SYN2: variants seen among roughly 807,000 people sequenced by gnomAD.
SYN2 encodes synapsin-2.
Under a neutral mutation model 50.9 loss-of-function variants are expected in SYN2, and 19 were observed. The ratio of observed to expected loss-of-function variants is 0.37; its 90% CI spans 0.26 to 0.55. The LOEUF is 0.55. Ranked by LOEUF, SYN2 falls within the 20% of genes least tolerant of loss-of-function variation. SYN2 has a pLI of 0.81. For missense variants in SYN2, 587 were observed against 576.4 expected (o/e 1.02, Z -0.19); for synonymous variants, 255 against 224.9 (o/e 1.13, Z -1.20).
At chr3:12,092,477 G>C (rs917565468) in intron 1 of SYN2, among the ~76,000 whole-genome samples, 2 of 152,266 alleles carry the variant, frequency 1.3e-5, no homozygotes, top group African/African-American at 4.8e-5. Flanking sequence ...AAGTAAGTTA[G>C]TTTACCTGGA....
chr3:12,074,419 G>A (rs1288906087), intron 1 of SYN2, among the ~76,000 whole-genome samples: 2 of 151,982 alleles, frequency 1.3e-5, no homozygotes, highest in African/African-American at 4.8e-5. Context: ...CAGATTGCAA[G>A]CCCTCCCACT....
At chr3:12,161,452 C>CCCT (rs1291012640) in intron 5 of SYN2, 94 bp from the exon 6 acceptor site, 5 of 1,412,388 alleles carry the variant, frequency 3.5e-6, no homozygotes. Flanking sequence ...CTTTAAAGAA[C>CCCT]CCTCCCAAGG....
At chr3:12,160,068 TA>T (rs1218673305) in intron 5 of SYN2, among the ~76,000 whole-genome samples, 1 of 114,152 alleles carries the variant, frequency 8.8e-6, no homozygotes, top group African/African-American at 3.2e-5. Flanking sequence ...AAAAAAAAAG[TA>T]AAAGAAAAAA....
intron 5 of SYN2, chr3:12,154,556 T>C (rs1044313956): frequency 1.6e-6 from 2 of 1,234,322 alleles, no homozygotes; most frequent in African/African-American, 1.5e-5. Context: ...CCAATGACTT[T>C]GGTGGCAGTG....
At chr3:12,022,819 A>G (rs891047062) in intron 1 of SYN2, among the ~76,000 whole-genome samples, 3 of 152,008 alleles carry the variant, frequency 2.0e-5, no homozygotes, top group Non-Finnish European at 2.9e-5. Context: ...AAGTGCTGGG[A>G]TGACAGGTAT....
rs113086190 is a variant in SYN2 at position 12,096,132 on chromosome 3, G to A, written c.378-44519G>A. Among the ~76,000 whole-genome samples the A allele has an allele frequency of 1.7e-4, 26 of 152,230 alleles. 2 individuals carry two copies. Among genetic ancestry groups the A allele is most frequent in the African/African-American group, 6.0e-4 (25 of 41,532 alleles). On this transcript the variant is annotated intron_variant, in intron 1 of 12. Transcript: ENST00000621198. ...CTATGTCAAATCTGTTATACCTTTA[G>A]AATTTATCTCATGTCATCCATTTCT...
chr3:12,108,415 A>C (rs1696244451), intron 1 of SYN2, among the ~76,000 whole-genome samples: 1 of 152,202 alleles, frequency 6.6e-6, no homozygotes, highest in Non-Finnish European at 1.5e-5. Context: ...TTCTTAACAA[A>C]CTGATAAAAA....
At chr3:12,126,024 T>G (rs1446225405) in intron 1 of SYN2, among the ~76,000 whole-genome samples, 1 of 152,192 alleles carries the variant, frequency 6.6e-6, no homozygotes, top group African/African-American at 2.4e-5. Flanking sequence ...GTCACTCAAG[T>G]GAAGATAGTC....
chr3:12,105,914 A>G (rs552873721), intron 1 of SYN2, among the ~76,000 whole-genome samples: 26 of 152,272 alleles, frequency 1.7e-4, no homozygotes, highest in African/African-American at 5.8e-4. Flanking sequence ...GATTTGTTGT[A>G]TTAGTTTTCT....
chr3:12,189,972 C>T (rs1206067667), intron 12 of SYN2, among the ~76,000 whole-genome samples: 1 of 152,190 alleles, frequency 6.6e-6, no homozygotes, highest in East Asian at 1.9e-4. Flanking sequence ...CAAAGAGAGG[C>T]ACGTGGCTTG....
chr3:12,015,358 T>C (rs763466748), intron 1 of SYN2, among the ~76,000 whole-genome samples: 6 of 152,182 alleles, frequency 3.9e-5, no homozygotes, highest in Non-Finnish European at 8.8e-5. Flanking sequence ...GAGATCCCCT[T>C]GAAGGCAGTG....
At chr3:12,158,963 CCCGCCCCGACGGGCT>C in intron 5 of SYN2, 2 of 1,350,508 alleles carry the variant, frequency 1.5e-6, no homozygotes, top group Non-Finnish European at 1.9e-6. Context: ...AAGGGCCAAT[CCCGCCCCGACGGGCT>C]CCGCCTTCCT....
chr3:12,085,719 A>G (rs1695687168), intron 1 of SYN2, among the ~76,000 whole-genome samples: 1 of 152,188 alleles, frequency 6.6e-6, no homozygotes, highest in Non-Finnish European at 1.5e-5. Context: ...CAAAAATGGA[A>G]ACACAGCATA....
chr3:12,138,887 A>G (rs1279597506), intron 1 of SYN2, among the ~76,000 whole-genome samples: 1 of 152,226 alleles, frequency 6.6e-6, no homozygotes, highest in Non-Finnish European at 1.5e-5. Context: ...ATAGTCATGG[A>G]CAAAAACCTG....
chr3:12,098,977 A>G (rs1463770992), intron 1 of SYN2, among the ~76,000 whole-genome samples: 1 of 151,762 alleles, frequency 6.6e-6, no homozygotes, highest in African/African-American at 2.4e-5. Flanking sequence ...AAAGAAGAGC[A>G]TGATATATTG....
At chr3:12,185,671 C>T (rs545021545) in intron 11 of SYN2, 1 of 985,866 alleles carries the variant, frequency 1.0e-6, no homozygotes, top group Admixed American at 6.1e-5. Context: ...ATTGAAGTAC[C>T]TCTCTTTTGT....
intron 6 of SYN2, 168 bp downstream of exon 6, chr3:12,161,776 A>C: frequency 1.0e-6 from 1 of 978,190 alleles, no homozygotes; most frequent in Admixed American, 2.2e-5. Flanking sequence ...GACCTCTTTC[A>C]GTAAGCAGAA....
At chr3:12,051,867 A>T (rs1694871525) in intron 1 of SYN2, among the ~76,000 whole-genome samples, 1 of 152,186 alleles carries the variant, frequency 6.6e-6, no homozygotes, top group Non-Finnish European at 1.5e-5. Flanking sequence ...TTTCTCAGGA[A>T]TTTATTCAGC....
At chr3:12,091,941 C>T (rs1695839144) in intron 1 of SYN2, among the ~76,000 whole-genome samples, 1 of 152,168 alleles carries the variant, frequency 6.6e-6, no homozygotes, top group Admixed American at 6.5e-5. Flanking sequence ...GAGTTCAGAA[C>T]TACTTTGGCC....
Sources: allele counts gnomAD v4.1 joint callset (sites outside exome capture counted in the v4.1 genomes callset), GRCh38; gene constraint gnomAD v4.1.1; transcripts MANE v1.5; gene names NCBI Gene and HGNC (gene_info 2026-07-23, HGNC 2026-07-21).